AK7: variants seen among roughly 807,000 people sequenced by gnomAD.
AK7 encodes the protein ATP-AMP transphosphorylase 7.
AK7 carries 78 observed loss-of-function variants against 96.6 expected under a neutral mutation model. The ratio of observed to expected loss-of-function variants is 0.81; its 90% CI spans 0.67 to 0.97. AK7 has a LOEUF of 0.97. Among genes scored for constraint, AK7 ranks in the 50% least tolerant of loss-of-function variants. The probability of loss-of-function intolerance (pLI) is 0.00; values close to 1 mark genes in which losing one functional copy is unlikely to be tolerated. For missense variants in AK7, 855 were observed against 887.9 expected, an observed-to-expected ratio of 0.96 and a Z score of 0.47; for synonymous variants, 302 against 317.2, an observed-to-expected ratio of 0.95 and a Z score of 0.51.
chr14:96,457,845 G>T (rs1342145562), intron 11 of AK7, among the ~76,000 whole-genome samples: 6 of 152,154 alleles, frequency 3.9e-5, no homozygotes, highest in Non-Finnish European at 8.8e-5. Flanking sequence ...GTTGGCTCAA[G>T]CAGTTCTGGC....
chr14:96,397,034 T>A (rs886496594), intron 1 of AK7, among the ~76,000 whole-genome samples: 8 of 152,142 alleles, frequency 5.3e-5, no homozygotes, highest in African/African-American at 1.9e-4. Context: ...GAGTTTGAGG[T>A]TGCAGTGAGC....
At chr14:96,395,166 C>T (rs925304139) in intron 1 of AK7, among the ~76,000 whole-genome samples, 3 of 152,140 alleles carry the variant, frequency 2.0e-5, no homozygotes, top group African/African-American at 4.8e-5. Flanking sequence ...TTTGTCTCCC[C>T]AGAACTAAAC....
intron 1 of AK7, among the ~76,000 whole-genome samples, chr14:96,394,460 A>G (rs1889938254): frequency 6.6e-6 from 1 of 151,930 alleles, no homozygotes; most frequent in African/African-American, 2.4e-5. Flanking sequence ...TTTTTAATGG[A>G]GGAAGGGGCC....
chr14:96,425,366 T>G (rs980505875), intron 5 of AK7, among the ~76,000 whole-genome samples: 29 of 152,156 alleles, frequency 1.9e-4, no homozygotes, highest in African/African-American at 7.0e-4. Context: ...AAAGGTAGAC[T>G]TCTATTCAGT....
At chr14:96,462,689 T>G (rs1270570307) in intron 12 of AK7, among the ~76,000 whole-genome samples, 1 of 152,182 alleles carries the variant, frequency 6.6e-6, no homozygotes, top group Non-Finnish European at 1.5e-5. Context: ...TTTCTGAGTT[T>G]CAAAATAAAA....
chr14:96,410,839 C>CA (rs1890989722), intron 4 of AK7, among the ~76,000 whole-genome samples: 2 of 151,916 alleles, frequency 1.3e-5, no homozygotes. Flanking sequence ...CACGTCTCTA[C>CA]AAAAAATGCA....
chr14:96,482,912 C>T lies in AK7; in HGVS notation c.1754-87C>T, dbSNP rs76027241. ...TGTGGTAATTTACATAATTGACTAT[C>T]GCAAGTTTATAGTAATAAAGAATTT... On this transcript the variant is annotated intron_variant, in intron 15 of 17. Transcript: ENST00000267584. The T allele has an allele frequency of 3.0e-3, 3,838 of 1,293,376 alleles. 73 individuals carry two copies. The African/African-American group carries it at 0.047, about 16-fold the overall frequency. 80.1% of individuals were successfully genotyped at this position (1,293,376 alleles called of 1,614,324 possible). A position where few individuals can be genotyped will look rare whatever the true frequency, so the allele number is the denominator to read the frequency against.
At chr14:96,450,482 C>G (rs949746272) in intron 9 of AK7, among the ~76,000 whole-genome samples, 6 of 149,244 alleles carry the variant, frequency 4.0e-5, no homozygotes, top group Non-Finnish European at 8.9e-5. Context: ...CTATTTGATA[C>G]GTAAAATGCC....
chr14:96,455,393 G>A (rs1162049305), intron 10 of AK7, among the ~76,000 whole-genome samples: 4 of 152,068 alleles, frequency 2.6e-5, no homozygotes, highest in African/African-American at 7.2e-5. Flanking sequence ...GCTGAGCTGG[G>A]AGGATGGTTT....
intron 5 of AK7, among the ~76,000 whole-genome samples, chr14:96,437,569 C>T (rs1892708738): frequency 6.6e-6 from 1 of 152,114 alleles, no homozygotes; most frequent in South Asian, 2.1e-4. Flanking sequence ...ATAGAGCTTA[C>T]AGGTACAAAG....
intron 1 of AK7, among the ~76,000 whole-genome samples, chr14:96,396,776 G>C (rs1890105475): frequency 1.3e-5 from 2 of 152,220 alleles, no homozygotes; most frequent in Admixed American, 6.5e-5. Flanking sequence ...TCTAAGGATA[G>C]CTTTTGGAAA....
chr14:96,436,349 TA>T (rs1486878017), intron 5 of AK7, among the ~76,000 whole-genome samples: 1 of 152,082 alleles, frequency 6.6e-6, no homozygotes, highest in Non-Finnish European at 1.5e-5. Flanking sequence ...ACATTCTTCC[TA>T]AAAACTCCTG....
At chr14:96,485,897 G>T (rs368403920) in intron 16 of AK7, among the ~76,000 whole-genome samples, 9 of 150,096 alleles carry the variant, frequency 6.0e-5, no homozygotes, top group African/African-American at 1.2e-4. Context: ...CCCGGTTCAC[G>T]CCATTCTCCT....
intron 12 of AK7, among the ~76,000 whole-genome samples, chr14:96,464,060 A>G (rs996318461): frequency 3.9e-5 from 6 of 152,132 alleles, no homozygotes; most frequent in Admixed American, 6.6e-5. Flanking sequence ...AGGGTGAGCC[A>G]CAGAGTATAG....
chr14:96,485,346 G>A (rs1895709609), intron 16 of AK7, among the ~76,000 whole-genome samples: 1 of 152,102 alleles, frequency 6.6e-6, no homozygotes, highest in Non-Finnish European at 1.5e-5. Flanking sequence ...TGATAAACTA[G>A]TTCAATAGAA....
chr14:96,434,645 A>C (rs1394807955), intron 5 of AK7, among the ~76,000 whole-genome samples: 4 of 152,214 alleles, frequency 2.6e-5, no homozygotes, highest in Non-Finnish European at 5.9e-5. Flanking sequence ...AGCAGGTGGC[A>C]TAACCAGCCA....
At chr14:96,435,680 C>T (rs928039655) in intron 5 of AK7, among the ~76,000 whole-genome samples, 4 of 152,292 alleles carry the variant, frequency 2.6e-5, no homozygotes, top group South Asian at 2.1e-4. Flanking sequence ...CTGTAGCCCT[C>T]GGTGGCGAGG....
At position 96,488,451 on chromosome 14, in the gene AK7, T is replaced by A; in HGVS notation, c.*108T>A. On this transcript the variant is annotated 3_prime_UTR_variant, in exon 18 of 18. Transcript: ENST00000267584. ...TTTCCAGTTCTTAGAAAATTCTTTT[T>A]TTGTAGACAAATATTCTATAAACTA... 5.2e-6 allele frequency: 5 copies of A among 952,934 alleles called. No homozygotes were observed. The highest frequency in any genetic ancestry group is 7.9e-6 in the Non-Finnish European group (5 of 636,438). The allele number at this position is 952,934 out of a possible 1,614,324, so 59.0% of individuals were successfully genotyped here.
intron 17 of AK7, 56 bp downstream of exon 17, chr14:96,487,112 C>A: frequency 1.3e-6 from 2 of 1,579,408 alleles, no homozygotes; most frequent in Non-Finnish European, 1.7e-6. Flanking sequence ...TGGCGGCTTA[C>A]ACCTGTAATC....
Sources: allele counts gnomAD v4.1 joint callset (sites outside exome capture counted in the v4.1 genomes callset), GRCh38; gene constraint gnomAD v4.1.1; transcripts MANE v1.5; gene names NCBI Gene and HGNC (gene_info 2026-07-23, HGNC 2026-07-21).